Variants in RABGEF1 observed in about 807,000 individuals in gnomAD.
The protein encoded by RABGEF1 is RAB guanine nucleotide exchange factor 1.
Under a neutral mutation model 57.3 loss-of-function variants are expected in RABGEF1, and 26 were observed. The observed-to-expected ratio is 0.45, with a 90% CI of 0.33 to 0.63. The LOEUF (loss-of-function observed/expected upper bound fraction) is 0.63, where lower values mean the gene tolerates loss of function less well. Ranked by LOEUF, RABGEF1 falls within the 20% of genes least tolerant of loss-of-function variation. The pLI is 0.02. For synonymous variants in RABGEF1, 185 were observed against 210.7 expected (o/e 0.88, Z 1.06); for missense variants, 464 against 607.6 (o/e 0.76, Z 2.48).
At position 66,795,972 on chromosome 7, in the gene RABGEF1, C is replaced by T. The variant is rs376464545; in HGVS notation, c.595+380C>T. 2.4e-4 allele frequency among the ~76,000 whole-genome samples: 37 copies of T among 152,214 alleles called. 1 individual carries two copies. The East Asian group carries it at 5.6e-3, about 23-fold the overall frequency. On this transcript the variant is annotated intron_variant, in intron 5 of 8. Coordinates refer to ENST00000284957, the MANE Select transcript of RABGEF1 (RefSeq NM_014504.3). The stretch of plus-strand genomic sequence containing the variant: ...TGGCCAACATGGTGAAACCCCGCCT[C>T]TATTAAAAATACAAAAAGTAGCCGG...
chr7:66,699,045 G>A (rs2659907), intron 1 of RABGEF1, among the ~76,000 whole-genome samples: 51,786 of 152,108 alleles, frequency 0.34, 9,221 homozygotes, highest in Middle Eastern at 0.49. Flanking sequence ...CACTGAGACA[G>A]AGCCGCATGG....
At chr7:66,788,103 T>A (rs1399334757) in intron 4 of RABGEF1, among the ~76,000 whole-genome samples, 1 of 152,192 alleles carries the variant, frequency 6.6e-6, no homozygotes, top group Non-Finnish European at 1.5e-5. Context: ...AGGCTCTACT[T>A]CCTCAAAGTA....
chr7:66,658,338 G>T, the RABGEF1 span, among the ~76,000 whole-genome samples: 1 of 152,104 alleles, frequency 6.6e-6, no homozygotes, highest in Non-Finnish European at 1.5e-5. Flanking sequence ...TTCAAGACCA[G>T]CCTGGCCAAC....
At chr7:66,756,176 A>G (rs1398882167) in intron 1 of RABGEF1, 4 of 680,530 alleles carry the variant, frequency 5.9e-6, no homozygotes, top group Non-Finnish European at 9.3e-6. Flanking sequence ...AAGAAAATAT[A>G]CTAGTGCTAA....
chr7:66,667,780 T>C, the RABGEF1 span, among the ~76,000 whole-genome samples: 2 of 152,172 alleles, frequency 1.3e-5, no homozygotes, highest in African/African-American at 4.8e-5. Context: ...TTATCCCATT[T>C]TACTTATTTA....
chr7:66,768,262 A>G (rs965239667), intron 1 of RABGEF1, among the ~76,000 whole-genome samples: 1 of 152,212 alleles, frequency 6.6e-6, no homozygotes, highest in Non-Finnish European at 1.5e-5. Context: ...GATGTTCAAT[A>G]TACAAACATC....
At chr7:66,789,332 T>C (rs1812001439) in intron 4 of RABGEF1, among the ~76,000 whole-genome samples, 1 of 152,036 alleles carries the variant, frequency 6.6e-6, no homozygotes, top group African/African-American at 2.4e-5. Flanking sequence ...AGTGAGGCAG[T>C]GGAAATAGCT....
the RABGEF1 span, among the ~76,000 whole-genome samples, chr7:66,663,599 G>C: frequency 3.6e-5 from 5 of 137,282 alleles, no homozygotes; most frequent in Non-Finnish European, 7.8e-5. Context: ...AACTAGTGTG[G>C]GGGAGGGGGG....
At chr7:66,799,854 T>C (rs1035336480) in intron 7 of RABGEF1, among the ~76,000 whole-genome samples, 1 of 152,144 alleles carries the variant, frequency 6.6e-6, no homozygotes, top group Non-Finnish European at 1.5e-5. Flanking sequence ...AAATGATGCC[T>C]CTGACTGGTT....
At chr7:66,655,152 C>T in the RABGEF1 span, among the ~76,000 whole-genome samples, 3 of 152,302 alleles carry the variant, frequency 2.0e-5, no homozygotes, top group South Asian at 6.2e-4. Flanking sequence ...AGAAGCGTCC[C>T]GGAGTTGGGA....
At chr7:66,675,016 A>G in the RABGEF1 span, among the ~76,000 whole-genome samples, 1 of 152,088 alleles carries the variant, frequency 6.6e-6, no homozygotes, top group Non-Finnish European at 1.5e-5. Context: ...TATACCTAAT[A>G]TTATACCTAA....
At chr7:66,770,113 G>T (rs1317419528) in intron 1 of RABGEF1, among the ~76,000 whole-genome samples, 1 of 152,112 alleles carries the variant, frequency 6.6e-6, no homozygotes, top group African/African-American at 2.4e-5. Context: ...TGTACTTTTG[G>T]TTATGAGCTT....
intron 2 of RABGEF1, among the ~76,000 whole-genome samples, chr7:66,717,232 G>C (rs1189590533): frequency 6.6e-6 from 1 of 152,046 alleles, no homozygotes; most frequent in East Asian, 1.9e-4. Flanking sequence ...ATTACAGTAT[G>C]TACACCAAAC....
At chr7:66,719,163 A>G (rs1584914035) in intron 2 of RABGEF1, among the ~76,000 whole-genome samples, 1 of 152,180 alleles carries the variant, frequency 6.6e-6, no homozygotes, top group East Asian at 1.9e-4. Context: ...GGCAATTAAC[A>G]CCAAAAACCA....
chr7:66,805,064 A>G, intron 7 of RABGEF1, 76 bp from the exon 8 acceptor site: 1 of 1,470,812 alleles, frequency 6.8e-7, no homozygotes, highest in South Asian at 1.2e-5. Flanking sequence ...AACTTTAGAG[A>G]TAAAACATGA....
intron 1 of RABGEF1, among the ~76,000 whole-genome samples, chr7:66,704,106 A>G (rs1264178378): frequency 2.0e-5 from 3 of 152,232 alleles, no homozygotes; most frequent in East Asian, 3.8e-4. Flanking sequence ...TTGCAAGTGT[A>G]TAGAACAGAG....
At chr7:66,698,516 C>A (rs77799011) in intron 1 of RABGEF1, among the ~76,000 whole-genome samples, 1 of 152,154 alleles carries the variant, frequency 6.6e-6, no homozygotes. Context: ...AGCAGGAGCC[C>A]GGGTCTGGAC....
At chr7:66,676,303 C>G in the RABGEF1 span, among the ~76,000 whole-genome samples, 28 of 150,040 alleles carry the variant, frequency 1.9e-4, no homozygotes, top group African/African-American at 6.6e-4. Context: ...TATATATATA[C>G]TTGATTTGCA....
At chr7:66,769,033 G>C (rs1283678432) in intron 1 of RABGEF1, 1 of 152,210 alleles carries the variant, frequency 6.6e-6, no homozygotes, top group Non-Finnish European at 1.5e-5. Context: ...ATGGTAAGTG[G>C]GGGGATCCCC....
Sources: allele counts gnomAD v4.1 joint callset (sites outside exome capture counted in the v4.1 genomes callset), GRCh38; gene constraint gnomAD v4.1.1; transcripts MANE v1.5; gene names NCBI Gene and HGNC (gene_info 2026-07-23, HGNC 2026-07-21).